TBCA: variants seen among roughly 807,000 people sequenced by gnomAD.
TBCA encodes tubulin folding cofactor A, also known as tubulin-specific chaperone A.
In TBCA, 6 loss-of-function variants were observed where a neutral mutation model predicts 15.8. The ratio of observed to expected loss-of-function variants is 0.38; its 90% CI spans 0.21 to 0.75. The LOEUF (loss-of-function observed/expected upper bound fraction) is 0.75, where lower values mean the gene tolerates loss of function less well. Ranked by LOEUF, TBCA falls within the 30% of genes least tolerant of loss-of-function variation. The pLI is 0.46. For missense variants in TBCA, 90 were observed against 131.2 expected, an observed-to-expected ratio of 0.69 and a Z score of 1.53; for synonymous variants, 32 against 42.3, an observed-to-expected ratio of 0.76 and a Z score of 0.94.
chr5:77,759,916 C>T (rs185312710), intron 1 of TBCA, among the ~76,000 whole-genome samples: 94 of 152,246 alleles, frequency 6.2e-4, no homozygotes, highest in Non-Finnish European at 9.0e-4. Context: ...CATTACAGTC[C>T]TTGCCATTGA....
At chr5:77,774,827 C>T (rs1369123496) in intron 1 of TBCA, among the ~76,000 whole-genome samples, 1 of 151,982 alleles carries the variant, frequency 6.6e-6, no homozygotes, top group African/African-American at 2.4e-5. Context: ...GGAATTTAAG[C>T]AAATTACAGG....
chr5:77,694,260 C>T (rs1745823412), intron 2 of TBCA: 1 of 152,182 alleles, frequency 6.6e-6, no homozygotes, highest in South Asian at 2.1e-4. Context: ...CCTCATGCTT[C>T]ATTTTAGGAG....
intron 1 of TBCA, among the ~76,000 whole-genome samples, chr5:77,732,550 C>CACAAAAAAAAAAAAA (rs1236069449): frequency 1.1e-5 from 1 of 89,490 alleles, no homozygotes; most frequent in African/African-American, 4.5e-5. Flanking sequence ...GACTCTGTCT[C>CACAAAAAAAAAAAAA]AAAAAAAAAA....
chr5:77,732,149 C>G (rs1354569934), intron 1 of TBCA, among the ~76,000 whole-genome samples: 1 of 152,126 alleles, frequency 6.6e-6, no homozygotes, highest in East Asian at 1.9e-4. Flanking sequence ...AATAAGTAAT[C>G]TGAAACACTC....
Position 77,691,286 on chromosome 5 carries a change from G to T in TBCA, c.*132C>A. 1.4e-6 allele frequency: 1 copy of T among 708,630 alleles called. No individual in the cohort carries two copies. The highest frequency in any genetic ancestry group is 2.3e-6 in the Non-Finnish European group (1 of 435,222). 43.9% of individuals were successfully genotyped at this position (708,630 alleles called of 1,614,324 possible). ...TATTTGACATATTAAATTAGACAAA[G>T]AAATATATATGTAACCAGATAAAAA... On this transcript the variant is annotated 3_prime_UTR_variant, in exon 4 of 4. Coordinates refer to ENST00000380377, the MANE Select transcript of TBCA (RefSeq NM_004607.3).
chr5:77,721,320 C>T (rs1746523487), intron 1 of TBCA, among the ~76,000 whole-genome samples: 1 of 151,994 alleles, frequency 6.6e-6, no homozygotes, highest in South Asian at 2.1e-4. Context: ...TACAGAGGCA[C>T]TTTGATATGT....
chr5:77,750,230 G>A (rs1226958912), intron 1 of TBCA, among the ~76,000 whole-genome samples: 1 of 150,956 alleles, frequency 6.6e-6, no homozygotes, highest in African/African-American at 2.4e-5. Flanking sequence ...ATATACATAT[G>A]ATATATATAT....
intron 1 of TBCA, among the ~76,000 whole-genome samples, chr5:77,732,550 C>CACAAA (rs1236069449): frequency 2.2e-5 from 2 of 89,490 alleles, no homozygotes; most frequent in African/African-American, 9.0e-5. Context: ...GACTCTGTCT[C>CACAAA]AAAAAAAAAA....
intron 2 of TBCA, among the ~76,000 whole-genome samples, chr5:77,701,682 C>CATATATATATATATATAT (rs58679612): frequency 2.0e-5 from 1 of 50,966 alleles, no homozygotes; most frequent in African/African-American, 7.6e-5. Flanking sequence ...CTGTGGCATG[C>CATATATATATATATATAT]ATATATATAT....
chr5:77,701,953 C>G (rs1746029467), intron 2 of TBCA, among the ~76,000 whole-genome samples: 2 of 151,690 alleles, frequency 1.3e-5, no homozygotes, highest in Admixed American at 6.6e-5. Flanking sequence ...AAGGAAACAT[C>G]ATATGTTCTC....
At chr5:77,765,607 C>T (rs1269289062) in intron 1 of TBCA, among the ~76,000 whole-genome samples, 1 of 152,144 alleles carries the variant, frequency 6.6e-6, no homozygotes, top group African/African-American at 2.4e-5. Context: ...GGTTGCTGCT[C>T]CTCAAACACG....
At chr5:77,692,348 T>G (rs1217168979) in intron 3 of TBCA, 1 of 985,238 alleles carries the variant, frequency 1.0e-6, no homozygotes, top group Non-Finnish European at 1.2e-6. Flanking sequence ...CTTAAACACA[T>G]CTTTGTTCTC....
At chr5:77,723,009 A>G (rs1746559072) in intron 1 of TBCA, among the ~76,000 whole-genome samples, 1 of 151,810 alleles carries the variant, frequency 6.6e-6, no homozygotes, top group African/African-American at 2.4e-5. Flanking sequence ...TTAAATTCCA[A>G]TTTAAAAGAA....
intron 1 of TBCA, among the ~76,000 whole-genome samples, chr5:77,729,606 GA>G (rs1003708448): frequency 3.3e-5 from 5 of 152,032 alleles, no homozygotes; most frequent in Admixed American, 6.5e-5. Context: ...GCTTTTGGAA[GA>G]AAAAAAGTTC....
At chr5:77,758,951 G>C (rs886347668) in intron 1 of TBCA, among the ~76,000 whole-genome samples, 2 of 152,118 alleles carry the variant, frequency 1.3e-5, no homozygotes, top group Non-Finnish European at 2.9e-5. Context: ...GACAACCGGG[G>C]ACCATCAGGA....
intron 1 of TBCA, among the ~76,000 whole-genome samples, chr5:77,744,951 C>A (rs1304358991): frequency 6.6e-6 from 1 of 152,232 alleles, no homozygotes; most frequent in Non-Finnish European, 1.5e-5. Flanking sequence ...GGCTCTACCA[C>A]TTCCCAGCTG....
Position 77,727,804 on chromosome 5 carries a change from A to G in TBCA, c.54-19457T>C, listed in dbSNP as rs1021284602. Among the ~76,000 whole-genome samples the G allele has an allele frequency of 2.6e-5, 4 of 152,342 alleles. No homozygotes were observed. The East Asian group carries it at 7.7e-4, about 29-fold the overall frequency. ...CATTATAATAAAATAGTAAAAGAAAAGACAATAGTTGGCCTAATAAGACAA... is the reference window on the plus strand; with the variant it reads ...CATTATAATAAAATAGTAAAAGAAAGGACAATAGTTGGCCTAATAAGACAA... On this transcript the variant is annotated intron_variant, in intron 1 of 3. Transcript: ENST00000380377.
At chr5:77,749,830 T>C (rs1747275391) in intron 1 of TBCA, among the ~76,000 whole-genome samples, 1 of 152,188 alleles carries the variant, frequency 6.6e-6, no homozygotes, top group Non-Finnish European at 1.5e-5. Context: ...AATAGAAGAC[T>C]AGTTTTTTTT....
At chr5:77,708,935 A>T (rs1241899541) in intron 1 of TBCA, among the ~76,000 whole-genome samples, 1 of 151,960 alleles carries the variant, frequency 6.6e-6, no homozygotes, top group Non-Finnish European at 1.5e-5. Context: ...ACAATGTGAA[A>T]GCGATACTCA....
Sources: gnomAD v4.1 joint callset for allele counts (sites outside exome capture counted in the v4.1 genomes callset) on GRCh38, gnomAD v4.1.1 for gene constraint, MANE v1.5 for transcripts, NCBI Gene and HGNC (gene_info 2026-07-23, HGNC 2026-07-21) for gene names.